RBFOX1: variants seen among roughly 807,000 people sequenced by gnomAD.
RBFOX1 encodes the protein RNA binding fox-1 homolog 1.
A neutral mutation model predicts 57.7 loss-of-function variants in RBFOX1; 8 were observed. That is an observed-to-expected ratio of 0.14 (90% confidence interval 0.08 to 0.25). The LOEUF (loss-of-function observed/expected upper bound fraction) is 0.25, where lower values mean the gene tolerates loss of function less well. Ranked by LOEUF, RBFOX1 falls within the 10% of genes least tolerant of loss-of-function variation. The probability of loss-of-function intolerance (pLI) is 1.00; values close to 1 mark genes in which losing one functional copy is unlikely to be tolerated. For missense variants in RBFOX1, 611 were observed against 548.5 expected, an observed-to-expected ratio of 1.11 and a Z score of -1.14; for synonymous variants, 326 against 222.4, an observed-to-expected ratio of 1.47 and a Z score of -4.15.
chr16:6,766,845 TG>T (rs907927868), intron 3 of RBFOX1, among the ~76,000 whole-genome samples: 9 of 152,014 alleles, frequency 5.9e-5, no homozygotes, highest in African/African-American at 2.2e-4. Flanking sequence ...GGAGGGGATC[TG>T]GGGAAGCATG....
intron 11 of RBFOX1, among the ~76,000 whole-genome samples, chr16:7,631,519 A>G (rs1042645774): frequency 1.3e-5 from 2 of 152,208 alleles, no homozygotes; most frequent in African/African-American, 4.8e-5. Flanking sequence ...TCTCCCAGCC[A>G]CAGCTGAAAC....
chr16:6,073,677 C>A (rs988426510), intron 1 of RBFOX1, among the ~76,000 whole-genome samples: 1 of 151,994 alleles, frequency 6.6e-6, no homozygotes, highest in Non-Finnish European at 1.5e-5. Context: ...TTCCTGGATT[C>A]CTATTTTATT....
At chr16:6,722,360 C>G (rs1033239831) in intron 3 of RBFOX1, among the ~76,000 whole-genome samples, 4 of 152,172 alleles carry the variant, frequency 2.6e-5, no homozygotes, top group African/African-American at 7.2e-5. Flanking sequence ...GCCTTTCTAA[C>G]AGGTGTGAGG....
At chr16:7,433,616 T>G (rs931311156) in intron 4 of RBFOX1, among the ~76,000 whole-genome samples, 9 of 152,222 alleles carry the variant, frequency 5.9e-5, no homozygotes, top group Admixed American at 2.0e-4. Context: ...TTCACGTGTT[T>G]GAAGAGTTGT....
At chr16:6,177,255 ACTGT>A (rs1180344495) in intron 1 of RBFOX1, among the ~76,000 whole-genome samples, 1 of 147,250 alleles carries the variant, frequency 6.8e-6, no homozygotes, top group Non-Finnish European at 1.5e-5. Context: ...CCACTCATAC[ACTGT>A]CTAAAATAAA....
intron 4 of RBFOX1, among the ~76,000 whole-genome samples, chr16:7,434,929 G>T (rs867500206): frequency 1.1e-4 from 17 of 152,140 alleles, no homozygotes; most frequent in South Asian, 4.2e-4. Context: ...TAGTAGAGAT[G>T]GGGTTTCACC....
chr16:7,516,917 G>T (rs1250354658), intron 4 of RBFOX1, among the ~76,000 whole-genome samples: 1 of 152,034 alleles, frequency 6.6e-6, no homozygotes, highest in Non-Finnish European at 1.5e-5. Context: ...TCGGATGTTG[G>T]TGGCAAGTAC....
chr16:6,951,145 A>C (rs1871417927), intron 3 of RBFOX1, among the ~76,000 whole-genome samples: 1 of 152,064 alleles, frequency 6.6e-6, no homozygotes, highest in Non-Finnish European at 1.5e-5. Flanking sequence ...GGACTCAACA[A>C]ATCCTCCAGC....
chr16:6,210,355 A>G (rs572873469), intron 1 of RBFOX1, among the ~76,000 whole-genome samples: 1 of 88,312 alleles, frequency 1.1e-5, no homozygotes, highest in Admixed American at 1.4e-4. Flanking sequence ...CAAAAAAAAA[A>G]AACACCAAAA....
rs1263282030 is a variant in RBFOX1 at position 5,902,823 on chromosome 16, CACTGA to C, written c.351+35492_351+35496del. Among the ~76,000 whole-genome samples, 4 of 152,158 alleles carry C rather than the reference CACTGA, an allele frequency of 2.6e-5. No homozygotes were observed. The East Asian group carries it at 5.8e-4, about 22-fold the overall frequency. On this transcript the variant is annotated intron_variant, in intron 4 of 19. Coordinates refer to the RBFOX1 transcript ENST00000641259. ...TGGCCTGTAGTTGCCACTCTTTAAA[CACTGA>C]ACTAAAAGTGTATCATTCACAAAGA...
intron 2 of RBFOX1, among the ~76,000 whole-genome samples, chr16:6,429,819 C>G (rs911302778): frequency 6.6e-6 from 1 of 152,124 alleles, no homozygotes; most frequent in African/African-American, 2.4e-5. Context: ...CCAATTGCAC[C>G]TCTTTCCTGC....
intron 2 of RBFOX1, among the ~76,000 whole-genome samples, chr16:5,482,090 A>G (rs981801586): frequency 2.6e-5 from 4 of 152,182 alleles, no homozygotes; most frequent in African/African-American, 7.2e-5. Flanking sequence ...ATCCTACACT[A>G]GGGACTTTCA....
chr16:6,768,277 T>A lies in RBFOX1; in HGVS notation c.-16+113627T>A, dbSNP rs560837414. Among the ~76,000 whole-genome samples the A allele has an allele frequency of 2.6e-5, 4 of 152,272 alleles. No individual in the cohort carries two copies. The East Asian group carries it at 7.7e-4, about 29-fold the overall frequency. On this transcript the variant is annotated intron_variant, in intron 3 of 15. Coordinates refer to ENST00000550418, the MANE Select transcript of RBFOX1 (RefSeq NM_018723.4). Reference sequence around the variant, plus strand: ...TATACTTTTTTTTCCTGTTTTTGCTTTTTTAAACAATAAATGTTTGTAATT... The same window carrying A: ...TATACTTTTTTTTCCTGTTTTTGCTATTTTAAACAATAAATGTTTGTAATT...
intron 1 of RBFOX1, among the ~76,000 whole-genome samples, chr16:5,427,162 C>G (rs190022662): frequency 6.6e-6 from 1 of 152,300 alleles, no homozygotes; most frequent in East Asian, 1.9e-4. Context: ...GGTTGGAGCC[C>G]TTGAGTGGGC....
chr16:7,297,050 G>A (rs2095908684), intron 4 of RBFOX1, among the ~76,000 whole-genome samples: 1 of 152,158 alleles, frequency 6.6e-6, no homozygotes, highest in South Asian at 2.1e-4. Context: ...CTCCATGGGA[G>A]CCATAGTCAG....
intron 1 of RBFOX1, among the ~76,000 whole-genome samples, chr16:5,380,243 G>C: frequency 6.6e-6 from 1 of 152,174 alleles, no homozygotes. Context: ...GCCTTTGCAT[G>C]TACGGTCGAC....
intron 14 of RBFOX1, among the ~76,000 whole-genome samples, chr16:7,687,220 G>C (rs556343890): frequency 6.6e-6 from 1 of 151,946 alleles, no homozygotes; most frequent in African/African-American, 2.4e-5. Flanking sequence ...AAAAGTGACA[G>C]GGCAGGTAAA....
intron 4 of RBFOX1, among the ~76,000 whole-genome samples, chr16:7,093,840 C>A (rs1365645301): frequency 6.6e-6 from 1 of 152,032 alleles, no homozygotes; most frequent in African/African-American, 2.4e-5. Context: ...TGATTTGTAT[C>A]ATAAAGCCAC....
At chr16:5,870,976 A>C (rs2057455114) in intron 4 of RBFOX1, among the ~76,000 whole-genome samples, 2 of 152,214 alleles carry the variant, frequency 1.3e-5, no homozygotes, top group South Asian at 4.1e-4. Context: ...AAACCCACAG[A>C]ATCAGTGAGA....
Sources: gnomAD v4.1 joint callset for allele counts (sites outside exome capture counted in the v4.1 genomes callset) on GRCh38, gnomAD v4.1.1 for gene constraint, MANE v1.5 for transcripts, NCBI Gene and HGNC (gene_info 2026-07-23, HGNC 2026-07-21) for gene names.